Variants in ZNF654 observed in about 807,000 individuals in gnomAD.
ZNF654 encodes the protein melanoma-associated antigen.
A neutral mutation model predicts 95.3 loss-of-function variants in ZNF654; 19 were observed. The observed-to-expected ratio is 0.20, with a 90% CI of 0.14 to 0.29. The LOEUF (loss-of-function observed/expected upper bound fraction) is 0.29, where lower values mean the gene tolerates loss of function less well. ZNF654 is among the 10% of genes least tolerant of loss of function. The pLI is 1.00. For synonymous variants in ZNF654, 413 were observed against 457.9 expected, an observed-to-expected ratio of 0.90 and a Z score of 1.25; for missense variants, 1,046 against 1,341.0, an observed-to-expected ratio of 0.78 and a Z score of 3.44.
intron 2 of ZNF654, among the ~76,000 whole-genome samples, chr3:88,104,118 A>G (rs533381146): frequency 6.6e-6 from 1 of 152,230 alleles, no homozygotes; most frequent in East Asian, 1.9e-4. Flanking sequence ...GTAATCAAAA[A>G]CTGAGGTAAT....
intron 1 of ZNF654, among the ~76,000 whole-genome samples, chr3:88,060,197 C>T (rs1367828595): frequency 6.6e-6 from 1 of 152,056 alleles, no homozygotes; most frequent in Admixed American, 6.5e-5. Context: ...TTTCCTTAAA[C>T]TCTTGCTCCG....
chr3:88,129,158 T>C (rs1379291729), intron 5 of ZNF654, 147 bp downstream of exon 5: 4 of 599,030 alleles, frequency 6.7e-6, no homozygotes, highest in Non-Finnish European at 1.1e-5. Flanking sequence ...GTGTTTTCTT[T>C]TGGCACCATA....
In ZNF654 at chr3:88,059,308, G is replaced by A; in HGVS notation, c.-12G>A. 1 of 1,533,042 alleles carries A rather than the reference G, an allele frequency of 6.5e-7. No individual in the cohort carries two copies. Among genetic ancestry groups the A allele is most frequent in the Non-Finnish European group, 8.7e-7 (1 of 1,146,422 alleles). 95.0% of individuals were successfully genotyped at this position (1,533,042 alleles called of 1,614,324 possible). A position where few individuals can be genotyped will look rare whatever the true frequency, so the allele number is the denominator to read the frequency against. ...GCGCAGGGGCTGGTACGCGCTGGGC[G>A]GCGAGAGCCTCATGGCGGAGGAAGA... On this transcript the variant is annotated 5_prime_UTR_variant, in exon 1 of 9. Coordinates refer to ENST00000636215, the MANE Select transcript of ZNF654 (RefSeq NM_001350134.2).
chr3:88,077,073 A>G (rs1389968764), intron 1 of ZNF654, among the ~76,000 whole-genome samples: 2 of 152,190 alleles, frequency 1.3e-5, no homozygotes, highest in Non-Finnish European at 2.9e-5. Flanking sequence ...TTTTTGAGAT[A>G]GAGTAAGTTC....
At chr3:88,138,349 AAT>A (rs1280906454) in intron 7 of ZNF654, among the ~76,000 whole-genome samples, 1 of 152,160 alleles carries the variant, frequency 6.6e-6, no homozygotes, top group Non-Finnish European at 1.5e-5. Context: ...TCTCTCAAAG[AAT>A]ATGAGATTTG....
chr3:88,061,133 G>A (rs1477512782), intron 1 of ZNF654, among the ~76,000 whole-genome samples: 1 of 152,022 alleles, frequency 6.6e-6, no homozygotes, highest in Non-Finnish European at 1.5e-5. Flanking sequence ...TAGAAACCAC[G>A]CTATTGGTAG....
rs191854832 is a variant in ZNF654, at chr3:88,140,982, G to A, written c.3313G>A (p.Ala1105Thr). ...KCLTTYCNAE[A>T]LEAHLAQKKC... is the part of the protein sequence containing the mutation. ...CCTGACCACCTACTGTAATGCAGAA[G>A]CACTTGAGGCTCATCTTGCACAAAA... Residue 1105 changes from alanine to threonine, a missense_variant, in exon 8 of 9, where the codon GCA becomes ACA. Coordinates refer to ENST00000636215, the MANE Select transcript of ZNF654 (RefSeq NM_001350134.2). 1.7e-5 allele frequency: 28 copies of A among 1,613,096 alleles called. No homozygotes were observed. Among genetic ancestry groups the A allele is most frequent in the Non-Finnish European group, 1.3e-5 (15 of 1,179,462 alleles).
chr3:88,109,581 T>C (rs1704965040), intron 2 of ZNF654, among the ~76,000 whole-genome samples: 1 of 152,126 alleles, frequency 6.6e-6, no homozygotes, highest in South Asian at 2.1e-4. Flanking sequence ...ATTACTAATA[T>C]GCTACAGAAA....
intron 2 of ZNF654, among the ~76,000 whole-genome samples, chr3:88,105,742 T>A (rs1248768185): frequency 1.3e-5 from 2 of 152,190 alleles, no homozygotes; most frequent in Non-Finnish European, 2.9e-5. Context: ...CTTGGTATAT[T>A]TTTAATTTGT....
At chr3:88,092,510 T>G (rs1703804431) in intron 2 of ZNF654, among the ~76,000 whole-genome samples, 1 of 152,118 alleles carries the variant, frequency 6.6e-6, no homozygotes, top group South Asian at 2.1e-4. Context: ...TCTGAAGGAA[T>G]GACAGGAATA....
chr3:88,070,627 A>T, intron 1 of ZNF654, among the ~76,000 whole-genome samples: 1 of 133,602 alleles, frequency 7.5e-6, no homozygotes. Context: ...AATTTTATAT[A>T]CTCTGTGATT....
At chr3:88,090,015 G>A (rs1355340252) in intron 2 of ZNF654, among the ~76,000 whole-genome samples, 4 of 152,154 alleles carry the variant, frequency 2.6e-5, no homozygotes, top group South Asian at 2.1e-4. Flanking sequence ...ACAAACCTAC[G>A]GCTCTGCCAG....
At chr3:88,130,081 T>G (rs2107838561) in intron 6 of ZNF654, among the ~76,000 whole-genome samples, 1 of 152,330 alleles carries the variant, frequency 6.6e-6, no homozygotes, top group African/African-American at 2.4e-5. Flanking sequence ...AATTTTAATT[T>G]GGAGTCTGAG....
At chr3:88,121,109 A>T (rs1705743390) in intron 3 of ZNF654, among the ~76,000 whole-genome samples, 1 of 151,798 alleles carries the variant, frequency 6.6e-6, no homozygotes, top group Admixed American at 6.6e-5. Context: ...AATAAATAAT[A>T]AATCCAAACA....
intron 2 of ZNF654, among the ~76,000 whole-genome samples, chr3:88,101,863 C>T (rs902979301): frequency 9.2e-5 from 14 of 152,088 alleles, no homozygotes; most frequent in African/African-American, 3.4e-4. Context: ...AATGGTTATA[C>T]AGTAGTATGT....
At chr3:88,095,857 TCAG>T in intron 2 of ZNF654, 2 of 456,518 alleles carry the variant, frequency 4.4e-6, no homozygotes, top group South Asian at 3.4e-5. Context: ...CCTTTCCACT[TCAG>T]CAGATACTCC....
chr3:88,131,030 G>A (rs1343417933), intron 6 of ZNF654, among the ~76,000 whole-genome samples: 1 of 152,092 alleles, frequency 6.6e-6, no homozygotes, highest in Non-Finnish European at 1.5e-5. Flanking sequence ...TAAGTAATAT[G>A]TCAATAGGCA....
Position 88,139,632 on chromosome 3 carries a change from C to A in ZNF654, c.1963C>A (p.Pro655Thr), listed in dbSNP as rs1203456441. 3.7e-6 allele frequency: 6 copies of A among 1,613,154 alleles called. No individual in the cohort carries two copies. The highest frequency in any genetic ancestry group is 5.1e-6 in the Non-Finnish European group (6 of 1,179,604). Residue 655 changes from proline to threonine, a missense_variant, in exon 8 of 9, where the codon CCT (proline) becomes ACT (threonine). Coordinates refer to ENST00000636215, the MANE Select transcript of ZNF654 (RefSeq NM_001350134.2). ...TAGTGAAGGAAACAAAGAAGTCATC[C>A]CTGAGCATGTGGCTGAATTCATTGA... ...ASSEGNKEVI[P>T]EHVAEFIEIP...
At chr3:88,135,668 TA>T (rs1305367471) in intron 7 of ZNF654, among the ~76,000 whole-genome samples, 1 of 152,102 alleles carries the variant, frequency 6.6e-6, no homozygotes, top group Non-Finnish European at 1.5e-5. Context: ...GAAGTAATTG[TA>T]AAAATGTGTT....
Sources: gnomAD v4.1 joint callset for allele counts (sites outside exome capture counted in the v4.1 genomes callset) on GRCh38, gnomAD v4.1.1 for gene constraint, MANE v1.5 for transcripts, NCBI Gene and HGNC (gene_info 2026-07-23, HGNC 2026-07-21) for gene names.